The following PTGFRN variants were observed in gnomAD, a reference collection of about 807,000 sequenced individuals.
The protein encoded by PTGFRN is prostaglandin F2 receptor inhibitor.
A neutral mutation model predicts 83.2 loss-of-function variants in PTGFRN; 35 were observed. The ratio of observed to expected loss-of-function variants is 0.42; its 90% CI spans 0.32 to 0.56. PTGFRN has a LOEUF of 0.56. Ranked by LOEUF, PTGFRN falls within the 20% of genes least tolerant of loss-of-function variation. The pLI, the probability that PTGFRN is intolerant of heterozygous loss-of-function variation, is 0.11. For missense variants in PTGFRN, 1,051 were observed against 1,179.5 expected (o/e 0.89, Z 1.60); for synonymous variants, 519 against 498.6 (o/e 1.04, Z -0.55).
At chr1:116,951,073 G>A (rs557728019) in intron 4 of PTGFRN, among the ~76,000 whole-genome samples, 74 of 151,884 alleles carry the variant, frequency 4.9e-4, no homozygotes, top group Non-Finnish European at 8.7e-4. Context: ...CTGGCTCTCC[G>A]TACCCGCTCC....
intron 4 of PTGFRN, among the ~76,000 whole-genome samples, chr1:116,951,122 T>C (rs1650335532): frequency 6.6e-6 from 1 of 152,226 alleles, no homozygotes; most frequent in African/African-American, 2.4e-5. Context: ...GACTTTTTTT[T>C]TTTTAATTGA....
chr1:116,926,179 C>T (rs1029565153), intron 1 of PTGFRN, among the ~76,000 whole-genome samples: 6 of 152,174 alleles, frequency 3.9e-5, no homozygotes, highest in South Asian at 4.1e-4. Context: ...GGAAGGGAGT[C>T]GGGTTGGTGG....
At chr1:116,929,123 A>G (rs1278286141) in intron 1 of PTGFRN, among the ~76,000 whole-genome samples, 1 of 152,206 alleles carries the variant, frequency 6.6e-6, no homozygotes, top group Admixed American at 6.5e-5. Context: ...TGTCTCAGTA[A>G]GTGGCATCAC....
intron 1 of PTGFRN, among the ~76,000 whole-genome samples, chr1:116,925,678 C>T (rs976984313): frequency 2.0e-5 from 3 of 152,134 alleles, no homozygotes; most frequent in African/African-American, 7.2e-5. Context: ...GAGGTCCCTC[C>T]TTTCCTTTAT....
chr1:116,930,297 T>C (rs559636432), intron 1 of PTGFRN, among the ~76,000 whole-genome samples: 7 of 152,242 alleles, frequency 4.6e-5, no homozygotes, highest in Non-Finnish European at 1.0e-4. Flanking sequence ...CTATTTCTTT[T>C]TTCTGTGCTG....
rs942571403 is a variant in PTGFRN at position 116,974,211 on chromosome 1, T to C, written c.2060-5T>C. On this transcript the variant is annotated splice_region_variant and splice_polypyrimidine_tract_variant and intron_variant, in intron 6 of 8. Transcript: ENST00000393203. ...ATAATGAGGCTGGCATTACTTTTTT[T>C]CCAGGTCCTATATTTAATGCTTCTG... 6.3e-7 allele frequency: 1 copy of C among 1,586,940 alleles called. No individual in the cohort carries two copies.
At chr1:116,947,681 T>C (rs1161713209) in intron 3 of PTGFRN, among the ~76,000 whole-genome samples, 1 of 152,200 alleles carries the variant, frequency 6.6e-6, no homozygotes, top group East Asian at 1.9e-4. Flanking sequence ...TTACTTCCAG[T>C]AGCTGAAGTC....
At chr1:116,974,491 G>A (rs540366041) in intron 7 of PTGFRN, 168 bp downstream of exon 7, 30 of 499,908 alleles carry the variant, frequency 6.0e-5, no homozygotes, top group African/African-American at 4.9e-4. Context: ...AATACATGTT[G>A]AGTGGATGCA....
At chr1:116,922,317 A>G (rs1325438317) in intron 1 of PTGFRN, among the ~76,000 whole-genome samples, 1 of 152,220 alleles carries the variant, frequency 6.6e-6, no homozygotes. Flanking sequence ...CATTTCTTCA[A>G]AGGACTATGA....
intron 3 of PTGFRN, among the ~76,000 whole-genome samples, chr1:116,946,576 AC>A (rs1650207714): frequency 6.6e-6 from 1 of 152,240 alleles, no homozygotes; most frequent in South Asian, 2.1e-4. Flanking sequence ...TTTCAAACAC[AC>A]CATGAGACCT....
chr1:116,943,648 G>A (rs1335484585), intron 2 of PTGFRN, among the ~76,000 whole-genome samples: 1 of 152,122 alleles, frequency 6.6e-6, no homozygotes, highest in South Asian at 2.1e-4. Flanking sequence ...AGATGAGCTG[G>A]CCTTGAGAAC....
chr1:116,962,283 C>T (rs1358781323), intron 5 of PTGFRN: 5 of 152,356 alleles, frequency 3.3e-5, no homozygotes, highest in African/African-American at 4.8e-5. Context: ...TGACACTGCT[C>T]CCATCTTGCT....
At chr1:116,973,666 C>A (rs1651065913) in intron 6 of PTGFRN, among the ~76,000 whole-genome samples, 5 of 151,496 alleles carry the variant, frequency 3.3e-5, no homozygotes, top group Admixed American at 3.3e-4. Context: ...CCCTGGCATG[C>A]TGAAGCTGTG....
Position 116,958,710 on chromosome 1 carries a change from A to G in PTGFRN, c.1214-2533A>G, listed in dbSNP as rs960390361. Among the ~76,000 whole-genome samples the G allele has an allele frequency of 1.3e-5, 2 of 152,216 alleles. No homozygotes were observed. Among genetic ancestry groups the G allele is most frequent in the African/African-American group, 4.8e-5 (2 of 41,458 alleles). On this transcript the variant is annotated intron_variant, in intron 4 of 8. Coordinates refer to ENST00000393203, the MANE Select transcript of PTGFRN (RefSeq NM_020440.4). The surrounding 1 kb of genome is among the most constrained non-coding windows in gnomAD (Gnocchi z 4.9). ...TCCCCATTTGTATGGGTGAGGCACC[A>G]GAGATCTGAGTAATCTACCCAAGGT...
intron 4 of PTGFRN, among the ~76,000 whole-genome samples, chr1:116,955,400 TCAA>T (rs1650461612): frequency 6.6e-6 from 1 of 152,224 alleles, no homozygotes; most frequent in Non-Finnish European, 1.5e-5. Context: ...ACCACCAACT[TCAA>T]CAATAATCAA....
chr1:116,920,268 T>C (rs1003263612), intron 1 of PTGFRN, among the ~76,000 whole-genome samples: 10 of 152,364 alleles, frequency 6.6e-5, no homozygotes, highest in African/African-American at 2.4e-4. Context: ...ACCACCAGGC[T>C]AACTGGGCTT....
chr1:116,948,945 T>C (rs1189966224), intron 3 of PTGFRN, among the ~76,000 whole-genome samples: 1 of 152,252 alleles, frequency 6.6e-6, no homozygotes, highest in African/African-American at 2.4e-5. Context: ...CTCAGAACAC[T>C]GCCTGGCATA....
intron 2 of PTGFRN, among the ~76,000 whole-genome samples, chr1:116,942,337 C>T (rs1335591279): frequency 1.3e-5 from 2 of 152,198 alleles, no homozygotes; most frequent in Non-Finnish European, 1.5e-5. Flanking sequence ...CCACCCTATG[C>T]CCAGTGAGGT....
intron 5 of PTGFRN, among the ~76,000 whole-genome samples, chr1:116,964,417 C>T (rs1218393820): frequency 1.3e-5 from 2 of 152,170 alleles, no homozygotes; most frequent in African/African-American, 2.4e-5. Flanking sequence ...CTTCTCAGGG[C>T]TTTCTTCCAA....
Sources: allele counts gnomAD v4.1 joint callset (sites outside exome capture counted in the v4.1 genomes callset), GRCh38; gene constraint gnomAD v4.1.1; non-coding constraint Gnocchi (gnomAD v3.1); transcripts MANE v1.5; gene names NCBI Gene and HGNC (gene_info 2026-07-23, HGNC 2026-07-21).